CDH13: variants seen among roughly 807,000 people sequenced by gnomAD.
CDH13 encodes the protein cadherin-13.
CDH13 carries 24 observed loss-of-function variants against 63.8 expected under a neutral mutation model. The ratio of observed to expected loss-of-function variants is 0.38; its 90% CI spans 0.27 to 0.53. CDH13 has a LOEUF of 0.53. CDH13 is among the 20% of genes least tolerant of loss of function. The pLI, the probability that CDH13 is intolerant of heterozygous loss-of-function variation, is 0.85. For synonymous variants in CDH13, 503 were observed against 355.3 expected, an observed-to-expected ratio of 1.42 and a Z score of -4.67; for missense variants, 1,049 against 903.1, an observed-to-expected ratio of 1.16 and a Z score of -2.07.
At chr16:83,148,084 T>C (rs2036827249) in intron 4 of CDH13, among the ~76,000 whole-genome samples, 1 of 152,178 alleles carries the variant, frequency 6.6e-6, no homozygotes, top group Admixed American at 6.5e-5. Flanking sequence ...ATTACAGGCG[T>C]GCGCCACCAC....
chr16:82,729,495 T>A (rs539210140), intron 1 of CDH13, among the ~76,000 whole-genome samples: 1 of 152,274 alleles, frequency 6.6e-6, no homozygotes, highest in East Asian at 1.9e-4. Flanking sequence ...AGGAATTTTT[T>A]TTTTTTTCTG....
At chr16:82,974,258 G>A (rs550081203) in intron 2 of CDH13, among the ~76,000 whole-genome samples, 1 of 152,240 alleles carries the variant, frequency 6.6e-6, no homozygotes, top group South Asian at 2.1e-4. Context: ...TTTGTAAGAT[G>A]CATTCATGTC....
chr16:82,936,565 C>T (rs1397304712), intron 2 of CDH13, among the ~76,000 whole-genome samples: 1 of 152,166 alleles, frequency 6.6e-6, no homozygotes, highest in Non-Finnish European at 1.5e-5. Context: ...TTTATTAAAA[C>T]AGTAGGCCCC....
At chr16:83,155,237 T>C (rs746822104) in intron 4 of CDH13, among the ~76,000 whole-genome samples, 3 of 152,318 alleles carry the variant, frequency 2.0e-5, no homozygotes, top group African/African-American at 4.8e-5. Context: ...GAGAGACATC[T>C]CAAGTGTAGG....
intron 2 of CDH13, among the ~76,000 whole-genome samples, chr16:83,019,344 T>C (rs1176292318): frequency 6.6e-6 from 1 of 152,180 alleles, no homozygotes; most frequent in Non-Finnish European, 1.5e-5. Context: ...GTCAGAATCA[T>C]GAATATCACT....
At chr16:83,465,735 G>A (rs2073298269) in intron 6 of CDH13, among the ~76,000 whole-genome samples, 1 of 152,202 alleles carries the variant, frequency 6.6e-6, no homozygotes, top group South Asian at 2.1e-4. Context: ...GGGGTAGGAT[G>A]AGATTAGAAG....
At chr16:82,792,976 C>T (rs960576192) in intron 1 of CDH13, among the ~76,000 whole-genome samples, 7 of 152,324 alleles carry the variant, frequency 4.6e-5, no homozygotes, top group South Asian at 4.2e-4. Flanking sequence ...CTTGCTTGCC[C>T]GCCTGGGATG....
At chr16:82,843,566 T>A (rs1275258931) in intron 1 of CDH13, among the ~76,000 whole-genome samples, 2 of 152,174 alleles carry the variant, frequency 1.3e-5, no homozygotes, top group Non-Finnish European at 2.9e-5. Flanking sequence ...AGTGAGAACC[T>A]TTAGCAGAAA....
At chr16:83,591,476 T>G (rs1906745220) in intron 7 of CDH13, among the ~76,000 whole-genome samples, 1 of 152,214 alleles carries the variant, frequency 6.6e-6, no homozygotes, top group South Asian at 2.1e-4. Context: ...TCACTGTGAG[T>G]TCCTTGAAGG....
intron 1 of CDH13, among the ~76,000 whole-genome samples, chr16:82,777,795 C>T (rs986160780): frequency 2.6e-5 from 4 of 152,100 alleles, no homozygotes; most frequent in African/African-American, 9.7e-5. Context: ...CAGGATTCTG[C>T]TTTTTCAGGC....
rs749818426 is a variant in CDH13, at chr16:82,632,634, C to G, written c.45+5497C>G. 1.1e-4 allele frequency among the ~76,000 whole-genome samples: 17 copies of G among 152,324 alleles called. 1 individual carries two copies. Among genetic ancestry groups the G allele is most frequent in the Middle Eastern group, 6.8e-3 (2 of 294 alleles). ...TCATATAGAGGCCTGCATACCCTCT[C>G]TGTCAGCAGTCCTCAACCATTTTGG... is the stretch of plus-strand genomic sequence containing the variant. On this transcript the variant is annotated intron_variant, in intron 1 of 13. Coordinates refer to ENST00000567109, the MANE Select transcript of CDH13 (RefSeq NM_001257.5).
intron 3 of CDH13, among the ~76,000 whole-genome samples, chr16:83,073,182 A>C (rs76669477): frequency 0.06 from 9,052 of 152,110 alleles, 324 homozygotes; most frequent in African/African-American, 0.096. Flanking sequence ...GTGGCTAGTG[A>C]TTGTGAAGCT....
intron 8 of CDH13, among the ~76,000 whole-genome samples, chr16:83,651,972 C>A (rs1912425020): frequency 6.6e-6 from 1 of 152,120 alleles, no homozygotes; most frequent in Non-Finnish European, 1.5e-5. Context: ...GTTACTCCAC[C>A]CTGTGATGAG....
chr16:82,785,757 A>C (rs927263562), intron 1 of CDH13, among the ~76,000 whole-genome samples: 3 of 152,208 alleles, frequency 2.0e-5, no homozygotes, highest in African/African-American at 7.2e-5. Flanking sequence ...TGGAGGGAGA[A>C]GGTTATTGTT....
chr16:83,712,879 T>C (rs1908276439), intron 10 of CDH13, among the ~76,000 whole-genome samples: 1 of 152,224 alleles, frequency 6.6e-6, no homozygotes, highest in Non-Finnish European at 1.5e-5. Flanking sequence ...CCTATTAAGT[T>C]TGTTGGTACA....
chr16:83,277,164 T>C (rs989351881), intron 5 of CDH13, among the ~76,000 whole-genome samples: 1 of 152,192 alleles, frequency 6.6e-6, no homozygotes, highest in African/African-American at 2.4e-5. Context: ...GGTGGATTCA[T>C]TGGTACCTGT....
At chr16:83,189,485 G>T (rs925169594) in intron 4 of CDH13, among the ~76,000 whole-genome samples, 2 of 152,216 alleles carry the variant, frequency 1.3e-5, no homozygotes, top group African/African-American at 2.4e-5. Flanking sequence ...TACTGTGTTA[G>T]TCAGAACACA....
intron 10 of CDH13, among the ~76,000 whole-genome samples, chr16:83,743,748 C>CCTTTTTTTTTTTTT (rs1912280138): frequency 1.3e-5 from 1 of 76,258 alleles, no homozygotes; most frequent in African/African-American, 5.5e-5. Context: ...TTTCTTTTTT[C>CCTTTTTTTTTTTTT]TTTTTTTTTT....
At chr16:83,163,327 C>A (rs1316295135) in intron 4 of CDH13, among the ~76,000 whole-genome samples, 1 of 151,984 alleles carries the variant, frequency 6.6e-6, no homozygotes, top group African/African-American at 2.4e-5. Context: ...TACATAGGTT[C>A]TCTGCATTGG....
Sources: gnomAD v4.1 joint callset for allele counts (sites outside exome capture counted in the v4.1 genomes callset) on GRCh38, gnomAD v4.1.1 for gene constraint, MANE v1.5 for transcripts, NCBI Gene and HGNC (gene_info 2026-07-23, HGNC 2026-07-21) for gene names.